The following SDHAF2 variants were observed in gnomAD, a reference collection of about 807,000 sequenced individuals.
SDHAF2 encodes the protein succinate dehydrogenase assembly factor 2, mitochondrial.
SDHAF2 carries 21 observed loss-of-function variants against 18.5 expected under a neutral mutation model. That is an observed-to-expected ratio of 1.13 (90% CI 0.80 to 1.63). The LOEUF (loss-of-function observed/expected upper bound fraction) is 1.63. SDHAF2 is among the 40% of genes most tolerant of loss of function. The probability of loss-of-function intolerance (pLI) is 0.00; values close to 1 mark genes in which losing one functional copy is unlikely to be tolerated. For synonymous variants in SDHAF2, 84 were observed against 70.7 expected (o/e 1.19, Z -0.94); for missense variants, 195 against 200.3 (o/e 0.97, Z 0.16).
intron 3 of SDHAF2, among the ~76,000 whole-genome samples, chr11:61,440,358 G>C (rs3019189): frequency 0.72 from 109,392 of 151,826 alleles, 43,162 homozygotes; most frequent in East Asian, 0.97. Flanking sequence ...CCAGCACTTT[G>C]GGAGGTCGAG....
chr11:61,434,118 T>A (rs1039168129), intron 1 of SDHAF2: 7 of 152,248 alleles, frequency 4.6e-5, no homozygotes, highest in Non-Finnish European at 7.3e-5. Context: ...TTCATGTTAA[T>A]TGAGATCTGT....
At chr11:61,430,789 C>T (rs1051605786) in intron 1 of SDHAF2, 2 of 152,222 alleles carry the variant, frequency 1.3e-5, no homozygotes, top group Non-Finnish European at 2.9e-5. Flanking sequence ...TTTTTCCTAG[C>T]CTGCTGTTAT....
At chr11:61,436,624 T>C (rs959559164) in intron 1 of SDHAF2, 7 of 342,316 alleles carry the variant, frequency 2.0e-5, no homozygotes, top group African/African-American at 1.5e-4. Context: ...GGGGGTTATC[T>C]CATGATCATG....
intron 3 of SDHAF2, among the ~76,000 whole-genome samples, chr11:61,444,628 A>T (rs1242237970): frequency 6.6e-6 from 1 of 151,942 alleles, no homozygotes; most frequent in Non-Finnish European, 1.5e-5. Context: ...CTGTGGTGCC[A>T]GCTACTCGGG....
At position 61,438,084 on chromosome 11, in the gene SDHAF2, A is replaced by G. The variant is rs747022200; in HGVS notation, c.341A>G (p.Asn114Ser). ...GACCGCCTGATTAACGAGCCTAGTA[A>G]TGACTGGGATATTTACTACTGGGCC... ...LYDRLINEPS[N>S]DWDIYYWATE... The change falls in exon 3 of 4, where the codon AAT becomes AGT. Residue 114 changes from asparagine (N) to serine (S), a missense_variant. Asn to Ser is a conservative substitution (Grantham distance 46). Coordinates refer to ENST00000301761, the MANE Select transcript of SDHAF2 (RefSeq NM_017841.4). 17 of 1,613,980 alleles carry G rather than the reference A, an allele frequency of 1.1e-5. No homozygotes were observed. The East Asian group carries it at 3.8e-4, about 36-fold the overall frequency.
chr11:61,445,109 G>A (rs986565137), intron 3 of SDHAF2, among the ~76,000 whole-genome samples: 16 of 152,292 alleles, frequency 1.1e-4, no homozygotes, highest in Non-Finnish European at 1.8e-4. Flanking sequence ...GGGAGAATCT[G>A]ACTTGGTTTT....
In SDHAF2 at chr11:61,444,684, A is replaced by G. The variant is rs559275168; in HGVS notation, c.371-1257A>G. On this transcript the variant is annotated intron_variant, in intron 3 of 3. Transcript: ENST00000301761. ...CGTGAGCCCAGGAGGTGGAGCTTGC[A>G]GTGAGTCCAGATCGCACCACTGCAC... Among the ~76,000 whole-genome samples the G allele has an allele frequency of 4.1e-4, 63 of 152,218 alleles. No individual in the cohort carries two copies. In the South Asian group the frequency reaches 0.012, roughly 29 times the overall value.
intron 1 of SDHAF2, chr11:61,436,669 G>C (rs1861997811): frequency 2.7e-6 from 1 of 373,074 alleles, no homozygotes; most frequent in South Asian, 2.0e-5. Flanking sequence ...TGGCAAATGA[G>C]TGCTACAAAT....
At chr11:61,433,780 C>T (rs188165713) in intron 1 of SDHAF2, 1 of 152,240 alleles carries the variant, frequency 6.6e-6, no homozygotes, top group East Asian at 1.9e-4. Flanking sequence ...TTAATTTTCT[C>T]ATAGTCCTGG....
chr11:61,433,000 A>C (rs1861950988), intron 1 of SDHAF2: 1 of 151,510 alleles, frequency 6.6e-6, no homozygotes, highest in Non-Finnish European at 1.5e-5. Flanking sequence ...ACAGTATTAT[A>C]GTATTCTGTA....
chr11:61,444,924 T>G (rs1862120205), intron 3 of SDHAF2, among the ~76,000 whole-genome samples: 1 of 152,212 alleles, frequency 6.6e-6, no homozygotes, highest in African/African-American at 2.4e-5. Context: ...CTCTGATATC[T>G]TTGAGAAAAG....
Position 61,446,147 on chromosome 11 carries a change from C to A in SDHAF2, c.*76C>A, listed in dbSNP as rs112750991. The A allele has an allele frequency of 1.9e-6, 3 of 1,576,906 alleles. No individual in the cohort carries two copies. Among genetic ancestry groups the A allele is most frequent in the Non-Finnish European group, 8.7e-7 (1 of 1,150,222 alleles). On this transcript the variant is annotated 3_prime_UTR_variant, in exon 4 of 4. Coordinates refer to ENST00000301761, the MANE Select transcript of SDHAF2 (RefSeq NM_017841.4). ...TTATGATGGACGTTAGCCTTGCTTC[C>A]GGCTTCTTAGATGCCCAGCTGCCCT...
chr11:61,433,597 T>C (rs1347744013), intron 1 of SDHAF2: 1 of 152,234 alleles, frequency 6.6e-6, no homozygotes, highest in Admixed American at 6.5e-5. Context: ...AATCCCTGCC[T>C]TCAGTCTGCA....
intron 1 of SDHAF2, chr11:61,431,029 C>CA (rs993817347): frequency 6.9e-6 from 1 of 145,218 alleles, no homozygotes; most frequent in Non-Finnish European, 1.5e-5. Context: ...TGTTGTTTTC[C>CA]TTTTTTTTTT....
At chr11:61,438,983 G>T (rs1862032551) in intron 3 of SDHAF2, among the ~76,000 whole-genome samples, 1 of 152,080 alleles carries the variant, frequency 6.6e-6, no homozygotes, top group Non-Finnish European at 1.5e-5. Context: ...GACAGAGATT[G>T]CAGTGAGCTG....
chr11:61,440,948 T>C (rs1006712172), intron 3 of SDHAF2, among the ~76,000 whole-genome samples: 3 of 152,158 alleles, frequency 2.0e-5, no homozygotes, highest in Non-Finnish European at 2.9e-5. Flanking sequence ...ACACCTATAA[T>C]TCCAGCGCTT....
intron 3 of SDHAF2, among the ~76,000 whole-genome samples, chr11:61,440,295 AC>A (rs1395063686): frequency 9.2e-5 from 14 of 151,688 alleles, no homozygotes; most frequent in African/African-American, 3.2e-4. Flanking sequence ...ACAGAGTGAG[AC>A]TCTTTCAAAA....
chr11:61,437,950 T>C lies in SDHAF2; in HGVS notation c.261-54T>C, dbSNP rs1862014322. On this transcript the variant is annotated intron_variant, in intron 2 of 3. Coordinates refer to ENST00000301761, the MANE Select transcript of SDHAF2 (RefSeq NM_017841.4). ...TAGGAGTCTTGGTGTCACTTCTCTT[T>C]TATTAGACACAGCCTTCTCAACCTC... 1.6e-5 allele frequency: 25 copies of C among 1,585,836 alleles called. 1 individual carries two copies. The South Asian group carries it at 2.5e-4, about 16-fold the overall frequency.
At position 61,446,423 on chromosome 11, in the gene SDHAF2, G is replaced by C. The variant is rs963539093; in HGVS notation, c.*352G>C. ...TCAGCCCAAGTGTACTCAAAGAAAA[G>C]AGGCAGCCAGCTGTGCGTGCTGTAT... On this transcript the variant is annotated 3_prime_UTR_variant, in exon 4 of 4. Coordinates refer to ENST00000301761, the MANE Select transcript of SDHAF2 (RefSeq NM_017841.4). 7.0e-6 allele frequency: 4 copies of C among 571,842 alleles called. No homozygotes were observed. In the African/African-American group the frequency reaches 7.5e-5, roughly 11 times the overall value. 35.4% of individuals were successfully genotyped at this position (571,842 alleles called of 1,614,324 possible).
Sources: allele counts gnomAD v4.1 joint callset (sites outside exome capture counted in the v4.1 genomes callset), GRCh38; gene constraint gnomAD v4.1.1; transcripts MANE v1.5; gene names NCBI Gene and HGNC (gene_info 2026-07-23, HGNC 2026-07-21).